Variants in IGSF21 observed in about 807,000 individuals in gnomAD.
IGSF21 encodes immunoglobin superfamily member 21, also known as immunoglobulin superfamily member 21.
A neutral mutation model predicts 46.8 loss-of-function variants in IGSF21; 28 were observed. That is an observed-to-expected ratio of 0.60 (90% CI 0.44 to 0.82). The LOEUF (loss-of-function observed/expected upper bound fraction) is 0.82, where lower values mean the gene tolerates loss of function less well. Ranked by LOEUF, IGSF21 falls within the 40% of genes least tolerant of loss-of-function variation. The probability of loss-of-function intolerance (pLI) is 0.00; values close to 1 mark genes in which losing one functional copy is unlikely to be tolerated. For missense variants in IGSF21, 624 were observed against 665.5 expected, an observed-to-expected ratio of 0.94 and a Z score of 0.69; for synonymous variants, 284 against 273.6, an observed-to-expected ratio of 1.04 and a Z score of -0.38.
chr1:18,184,141 C>A (rs2124471124), intron 1 of IGSF21, among the ~76,000 whole-genome samples: 1 of 152,230 alleles, frequency 6.6e-6, no homozygotes, highest in South Asian at 2.1e-4. Flanking sequence ...ATTTCCCCAC[C>A]AAAAAAGCAG....
At chr1:18,331,732 G>T (rs1303587659) in intron 3 of IGSF21, among the ~76,000 whole-genome samples, 1 of 152,186 alleles carries the variant, frequency 6.6e-6, no homozygotes, top group Non-Finnish European at 1.5e-5. Flanking sequence ...GGGATAGAAA[G>T]CCCAGTAAAC....
chr1:18,225,878 G>A (rs988384609), intron 1 of IGSF21, among the ~76,000 whole-genome samples: 2 of 152,210 alleles, frequency 1.3e-5, no homozygotes, highest in African/African-American at 2.4e-5. Context: ...CATGGAGCCC[G>A]AAGGTTTGGG....
In IGSF21 at chr1:18,184,463, A is replaced by G. The variant is rs570600105; in HGVS notation, c.71-43435A>G. 5.3e-5 allele frequency among the ~76,000 whole-genome samples: 8 copies of G among 152,188 alleles called. No homozygotes were observed. In the East Asian group the frequency reaches 1.5e-3, roughly 29 times the overall value. On this transcript the variant is annotated intron_variant, in intron 1 of 9. Coordinates refer to ENST00000251296, the MANE Select transcript of IGSF21 (RefSeq NM_032880.5). ...TCCTTTAATCTTTCCTCGTAAATTA[A>G]TCCCTCTGAACCTTTAATCATTTTC...
intron 1 of IGSF21, among the ~76,000 whole-genome samples, chr1:18,149,739 T>C (rs765487898): frequency 6.6e-6 from 1 of 152,034 alleles, no homozygotes; most frequent in Non-Finnish European, 1.5e-5. Flanking sequence ...CTCTAGACTC[T>C]GGCTCCATAA....
At chr1:18,239,648 T>C (rs1209798108) in intron 2 of IGSF21, among the ~76,000 whole-genome samples, 1 of 152,154 alleles carries the variant, frequency 6.6e-6, no homozygotes, top group Non-Finnish European at 1.5e-5. Context: ...CAACGTTCTT[T>C]CCCACCTCCG....
At chr1:18,164,364 C>T (rs2086657862) in intron 1 of IGSF21, among the ~76,000 whole-genome samples, 1 of 152,036 alleles carries the variant, frequency 6.6e-6, no homozygotes, top group South Asian at 2.1e-4. Flanking sequence ...TCATTCTTCT[C>T]CTTACCTCCT....
intron 4 of IGSF21, among the ~76,000 whole-genome samples, chr1:18,359,768 C>T (rs2086080255): frequency 6.6e-6 from 1 of 152,156 alleles, no homozygotes; most frequent in South Asian, 2.1e-4. Flanking sequence ...GCATCAGTTC[C>T]TGATGGAATT....
At chr1:18,258,364 G>A (rs1270239067) in intron 2 of IGSF21, among the ~76,000 whole-genome samples, 1 of 152,220 alleles carries the variant, frequency 6.6e-6, no homozygotes, top group Non-Finnish European at 1.5e-5. Context: ...AAGGGACTCA[G>A]TAACCACCAA....
At chr1:18,323,542 G>C (rs1274556955) in intron 3 of IGSF21, among the ~76,000 whole-genome samples, 1 of 152,216 alleles carries the variant, frequency 6.6e-6, no homozygotes, top group Non-Finnish European at 1.5e-5. Context: ...TGGCCAAGGA[G>C]CTAAGGCAGC....
At chr1:18,206,408 G>A (rs2084328409) in intron 1 of IGSF21, among the ~76,000 whole-genome samples, 2 of 152,106 alleles carry the variant, frequency 1.3e-5, no homozygotes, top group Admixed American at 6.6e-5. Flanking sequence ...AATTAATTGG[G>A]TGTGGTGGTG....
intron 1 of IGSF21, among the ~76,000 whole-genome samples, chr1:18,202,553 C>T (rs1160231516): frequency 1.3e-5 from 2 of 152,128 alleles, no homozygotes; most frequent in Non-Finnish European, 2.9e-5. Flanking sequence ...GAAGCAAGCA[C>T]CTTCTTCACA....
At chr1:18,285,298 G>A (rs1275960204) in intron 2 of IGSF21, among the ~76,000 whole-genome samples, 2 of 152,008 alleles carry the variant, frequency 1.3e-5, no homozygotes, top group Non-Finnish European at 2.9e-5. Context: ...CGGTCAGCGG[G>A]CTCTCACACT....
intron 1 of IGSF21, among the ~76,000 whole-genome samples, chr1:18,149,258 C>T (rs370562594): frequency 1.1e-4 from 17 of 152,104 alleles, no homozygotes; most frequent in Non-Finnish European, 1.8e-4. Flanking sequence ...GGTAATGACA[C>T]GTGGAGAGAC....
Position 18,365,372 on chromosome 1 carries a change from C to T in IGSF21, c.690C>T (p.Ser230=). The change falls in exon 6 of 10, where the codon TCC becomes TCT. Residue 230 remains serine (S), a synonymous_variant. Transcript: ENST00000251296. The surrounding 1 kb of genome is among the most constrained non-coding windows in gnomAD (Gnocchi z 4.8). ...ACACCAAGATGCAGAAGTCACTGTCCCTCCTGGACGCCGAGAACCGGGGTG... is the reference window on the plus strand; with the variant it reads ...ACACCAAGATGCAGAAGTCACTGTCTCTCCTGGACGCCGAGAACCGGGGTG... ...LDDTKMQKSL[S]LLDAENRGGR... is the part of the protein sequence containing the mutation. The T allele has an allele frequency of 6.2e-7, 1 of 1,614,102 alleles. No individual in the cohort carries two copies. Among genetic ancestry groups the T allele is most frequent in the African/African-American group, 1.3e-5 (1 of 75,004 alleles).
intron 2 of IGSF21, among the ~76,000 whole-genome samples, chr1:18,239,208 C>G (rs533703453): frequency 6.6e-6 from 1 of 151,904 alleles, no homozygotes; most frequent in Admixed American, 6.6e-5. Context: ...CTTAACTTGT[C>G]GGAAAAGGAT....
chr1:18,113,195 T>C (rs2086157920), intron 1 of IGSF21: 1 of 152,126 alleles, frequency 6.6e-6, no homozygotes, highest in Non-Finnish European at 1.5e-5. Flanking sequence ...ATGTCAGTGG[T>C]GGTAAAACAC....
chr1:18,169,186 CA>C (rs1456537424), intron 1 of IGSF21, among the ~76,000 whole-genome samples: 1 of 152,238 alleles, frequency 6.6e-6, no homozygotes. Flanking sequence ...CCCAATGGCC[CA>C]GGCAGAGACT....
chr1:18,350,431 A>G (rs1569857878), intron 4 of IGSF21, among the ~76,000 whole-genome samples: 1 of 152,208 alleles, frequency 6.6e-6, no homozygotes, highest in South Asian at 2.1e-4. Flanking sequence ...CACCCTGGCC[A>G]GAAGTTGTGT....
At chr1:18,207,538 C>T (rs2084342253) in intron 1 of IGSF21, among the ~76,000 whole-genome samples, 1 of 152,224 alleles carries the variant, frequency 6.6e-6, no homozygotes, top group African/African-American at 2.4e-5. Flanking sequence ...AAAGTCAGGA[C>T]TACAATACCA....
Sources: allele counts gnomAD v4.1 joint callset (sites outside exome capture counted in the v4.1 genomes callset), GRCh38; gene constraint gnomAD v4.1.1; non-coding constraint Gnocchi (gnomAD v3.1); transcripts MANE v1.5; gene names NCBI Gene and HGNC (gene_info 2026-07-23, HGNC 2026-07-21).